The following STPG2 variants were observed in gnomAD, a reference collection of about 807,000 sequenced individuals.
STPG2 encodes sperm-tail PG-rich repeat-containing protein 2.
In STPG2, 56 loss-of-function variants were observed where a neutral mutation model predicts 54.2. The ratio of observed to expected loss-of-function variants is 1.03; its 90% CI spans 0.83 to 1.29. The LOEUF (loss-of-function observed/expected upper bound fraction) is 1.29, where lower values mean the gene tolerates loss of function less well. STPG2 is among the 50% of genes most tolerant of loss of function. The pLI is 0.00. For synonymous variants in STPG2, 200 were observed against 181.8 expected (o/e 1.10, Z -0.81); for missense variants, 596 against 544.9 (o/e 1.09, Z -0.93).
chr4:97,661,971 A>G (rs1022235335), intron 10 of STPG2, among the ~76,000 whole-genome samples: 3 of 152,184 alleles, frequency 2.0e-5, no homozygotes, highest in East Asian at 1.9e-4. Flanking sequence ...TGATTTTTGT[A>G]TAGTGATTTT....
At chr4:97,963,476 G>C (rs1733968271) in intron 7 of STPG2, among the ~76,000 whole-genome samples, 1 of 152,006 alleles carries the variant, frequency 6.6e-6, no homozygotes, top group African/African-American at 2.4e-5. Context: ...AGCAAAGTGA[G>C]ACCTTGTCTC....
At chr4:97,819,528 G>T (rs1728017812) in intron 9 of STPG2, among the ~76,000 whole-genome samples, 1 of 152,094 alleles carries the variant, frequency 6.6e-6, no homozygotes, top group Non-Finnish European at 1.5e-5. Flanking sequence ...TCATTACTGA[G>T]TAAAGTAAGT....
intron 6 of STPG2, among the ~76,000 whole-genome samples, chr4:97,978,534 G>A (rs915345145): frequency 6.6e-6 from 1 of 152,088 alleles, no homozygotes; most frequent in Non-Finnish European, 1.5e-5. Flanking sequence ...AGGAGGGAGA[G>A]AGTCAGGAAA....
In STPG2 at chr4:97,895,370, AT is replaced by A. The variant is rs1205822285; in HGVS notation, c.1044+48526del. On this transcript the variant is annotated intron_variant, in intron 8 of 10. Coordinates refer to ENST00000295268, the MANE Select transcript of STPG2 (RefSeq NM_174952.3). ...ACTTTCAAGAGATATAGTCTAATTT[AT>A]TGCAAAGTATCTCCTATGCAACTGA... is the stretch of plus-strand genomic sequence containing the variant. Among the ~76,000 whole-genome samples the A allele has an allele frequency of 4.6e-5, 7 of 152,044 alleles. No individual in the cohort carries two copies. The South Asian group carries it at 1.0e-3, about 23-fold the overall frequency.
At chr4:97,990,166 T>C (rs1734959522) in intron 5 of STPG2, among the ~76,000 whole-genome samples, 1 of 152,246 alleles carries the variant, frequency 6.6e-6, no homozygotes, top group South Asian at 2.1e-4. Context: ...ACAAATGAAA[T>C]CTTGAATCCT....
At chr4:97,597,833 A>T (rs1054367260) in intron 10 of STPG2, among the ~76,000 whole-genome samples, 13 of 152,110 alleles carry the variant, frequency 8.5e-5, no homozygotes, top group African/African-American at 2.9e-4. Flanking sequence ...GAAGACAATG[A>T]TGCCCACTCT....
intron 10 of STPG2, among the ~76,000 whole-genome samples, chr4:97,616,142 G>T (rs548903015): frequency 7.5e-6 from 1 of 133,592 alleles, no homozygotes; most frequent in Non-Finnish European, 1.6e-5. Context: ...GTTAAGTGCA[G>T]TTTTCATGGA....
chr4:97,903,791 C>G (rs888734729), intron 8 of STPG2, among the ~76,000 whole-genome samples: 4 of 152,158 alleles, frequency 2.6e-5, no homozygotes, highest in African/African-American at 7.2e-5. Flanking sequence ...ACTCGGGAAG[C>G]GCAAGGGGTC....
intron 10 of STPG2, among the ~76,000 whole-genome samples, chr4:97,625,103 G>C (rs990557176): frequency 4.6e-5 from 7 of 152,162 alleles, no homozygotes; most frequent in Admixed American, 2.6e-4. Flanking sequence ...AGTACTGTGA[G>C]AAAACAAATT....
rs1294166981 is a variant in STPG2, at chr4:98,012,358, C to A, written c.613-31040G>T. On this transcript the variant is annotated intron_variant, in intron 5 of 10. Coordinates refer to ENST00000295268, the MANE Select transcript of STPG2 (RefSeq NM_174952.3). ...TGGTGTTTTGGTTTCTGTAGCCTTG[C>A]AGTATAGTGTGAAGTCAAGTAGCAT... 3.3e-5 allele frequency among the ~76,000 whole-genome samples: 5 copies of A among 152,018 alleles called. No homozygotes were observed. In the East Asian group the frequency reaches 7.7e-4, roughly 23 times the overall value.
chr4:97,564,174 T>G (rs1005585479), intron 10 of STPG2, among the ~76,000 whole-genome samples: 18 of 152,182 alleles, frequency 1.2e-4, no homozygotes, highest in Non-Finnish European at 1.8e-4. Context: ...ATTGATCCCT[T>G]TACCATTATG....
chr4:97,491,493 C>T (rs1730502527), intron 4 of STPG2, among the ~76,000 whole-genome samples: 2 of 151,370 alleles, frequency 1.3e-5, no homozygotes, highest in Non-Finnish European at 3.0e-5. Flanking sequence ...AAAAGGGTCA[C>T]TTGGCAGAAG....
At chr4:97,701,454 T>C (rs1468972975) in intron 10 of STPG2, among the ~76,000 whole-genome samples, 1 of 152,132 alleles carries the variant, frequency 6.6e-6, no homozygotes, top group African/African-American at 2.4e-5. Flanking sequence ...ATAATTTCCC[T>C]TTCCCCAATG....
At chr4:98,062,448 T>C (rs1054076140) in intron 5 of STPG2, among the ~76,000 whole-genome samples, 2 of 151,960 alleles carry the variant, frequency 1.3e-5, no homozygotes, top group Non-Finnish European at 2.9e-5. Flanking sequence ...GAACCTAAAA[T>C]AAAAGTTGTA....
intron 7 of STPG2, among the ~76,000 whole-genome samples, chr4:97,963,982 C>A (rs1446916266): frequency 1.3e-5 from 2 of 151,978 alleles, no homozygotes; most frequent in Admixed American, 6.6e-5. Flanking sequence ...TCAGATGCAC[C>A]ACTGGGACCT....
At chr4:98,005,606 A>C (rs1735554146) in intron 5 of STPG2, among the ~76,000 whole-genome samples, 1 of 152,094 alleles carries the variant, frequency 6.6e-6, no homozygotes, top group Non-Finnish European at 1.5e-5. Context: ...TTTGTCCAAC[A>C]CTTTTTATGC....
intron 4 of STPG2, among the ~76,000 whole-genome samples, chr4:97,532,942 G>A (rs773169727): frequency 2.0e-5 from 3 of 152,088 alleles, no homozygotes; most frequent in Non-Finnish European, 4.4e-5. Flanking sequence ...GAGCGCAGTG[G>A]TGCAATCCCA....
chr4:98,105,520 C>T (rs906768244), intron 5 of STPG2, among the ~76,000 whole-genome samples: 24 of 151,994 alleles, frequency 1.6e-4, no homozygotes, highest in African/African-American at 4.3e-4. Context: ...TGGGTTTGGA[C>T]GTTTTAACAG....
chr4:97,751,112 GGTTCAA>G (rs775465975), intron 9 of STPG2, among the ~76,000 whole-genome samples: 15 of 151,690 alleles, frequency 9.9e-5, no homozygotes, highest in Non-Finnish European at 1.9e-4. Context: ...TGAATATCAA[GGTTCAA>G]GTAAGCTTCC....
Sources: allele counts gnomAD v4.1 joint callset (sites outside exome capture counted in the v4.1 genomes callset), GRCh38; gene constraint gnomAD v4.1.1; transcripts MANE v1.5; gene names NCBI Gene and HGNC (gene_info 2026-07-23, HGNC 2026-07-21).